The following SETD1B variants were observed in gnomAD, a reference collection of about 807,000 sequenced individuals.
SETD1B encodes histone-lysine N-methyltransferase SETD1B.
SETD1B carries 7 observed loss-of-function variants against 148.0 expected under a neutral mutation model. The observed-to-expected ratio is 0.05, with a 90% CI of 0.03 to 0.09. The LOEUF (loss-of-function observed/expected upper bound fraction) is 0.09. Among genes scored for constraint, SETD1B ranks in the 10% least tolerant of loss-of-function variants. The pLI is 1.00. For missense variants in SETD1B, 2,155 were observed against 2,729.9 expected, an observed-to-expected ratio of 0.79 and a Z score of 4.69; for synonymous variants, 1,361 against 1,186.5, an observed-to-expected ratio of 1.15 and a Z score of -3.02.
chr12:121,822,729 G>C lies in SETD1B; in HGVS notation c.4150G>C (p.Gly1384Arg), dbSNP rs200348800. 4.4e-3 allele frequency: 6,656 copies of C among 1,520,658 alleles called. 23 individuals are homozygous for C. The highest frequency in any genetic ancestry group is 5.2e-3 in the Non-Finnish European group (5,821 of 1,126,286). The allele number at this position is 1,520,658 out of a possible 1,614,324, so 94.2% of individuals were successfully genotyped here. The change falls in exon 12 of 17, where the codon GGC becomes CGC. Residue 1384 changes from glycine to arginine, a missense_variant. Transcript: ENST00000604567. ...QSTETVPATP[G>R]GEPPLSGGSS... ...CACAGAGACGGTGCCAGCCACACCA[G>C]GCGGGGAGCCCCCGCTATCAGGGGG...
Position 121,827,925 on chromosome 12 carries a change from G to T in SETD1B, c.5590-8G>T, listed in dbSNP as rs1348716104. The T allele has an allele frequency of 6.4e-7, 1 of 1,552,138 alleles. No homozygotes were observed. The highest frequency in any genetic ancestry group is 1.4e-5 in the African/African-American group (1 of 73,208). ...GGCCCAGCCAGACTGACCCCCTTTT[G>T]TGGCCAGGTGATCGCAGACATGCGG... On this transcript the variant is annotated splice_region_variant and splice_polypyrimidine_tract_variant and intron_variant, in intron 15 of 16. Transcript: ENST00000604567.
the SETD1B span, chr12:121,795,798 T>G: frequency 6.5e-6 from 1 of 152,766 alleles, no homozygotes; most frequent in East Asian, 1.9e-4. Flanking sequence ...CTCCTGACTG[T>G]CCTCAAAAGC....
At position 121,827,862 on chromosome 12, in the gene SETD1B, C is replaced by T; in HGVS notation, c.5589+8C>T. ...GGCCAGAATATCCGTCAGGTAGGCA[C>T]CGCCCGGCAGGATGGGCACCGGGGT... On this transcript the variant is annotated splice_region_variant and intron_variant, in intron 15 of 16. Coordinates refer to ENST00000604567, the MANE Select transcript of SETD1B (RefSeq NM_001353345.2). 1 of 1,555,672 alleles carries T rather than the reference C, an allele frequency of 6.4e-7. No individual in the cohort carries two copies. The highest frequency in any genetic ancestry group is 1.2e-5 in the South Asian group (1 of 84,358).
the SETD1B span, among the ~76,000 whole-genome samples, chr12:121,796,659 A>G: frequency 6.6e-6 from 1 of 152,354 alleles, no homozygotes; most frequent in East Asian, 1.9e-4. Context: ...TTGGCTGCCC[A>G]TGAGCACTCG....
At position 121,804,927 on chromosome 12, in the gene SETD1B, G is replaced by GC. The variant is rs549793280; in HGVS notation, c.174+23dup. 161 of 1,481,456 alleles carry GC rather than the reference G, an allele frequency of 1.1e-4. No individual in the cohort carries two copies. Among genetic ancestry groups the GC allele is most frequent in the African/African-American group, 7.4e-4 (52 of 70,698 alleles). 91.8% of individuals were successfully genotyped at this position (1,481,456 alleles called of 1,614,324 possible). On this transcript the variant is annotated intron_variant, in intron 2 of 16. Coordinates refer to ENST00000604567, the MANE Select transcript of SETD1B (RefSeq NM_001353345.2). This position sits in a 1 kb window ranked among gnomAD's most constrained non-coding sequence, Gnocchi z 4.6. ...CAGCCTGGCGGTGAGTAGCCGGCGC[G>GC]CCCCCCCAGCCGTGCCCCGCGTCGT...
At chr12:121,802,225 C>A (rs1047740004), upstream of SETD1B, 1 of 152,210 alleles carries the variant, frequency 6.6e-6, no homozygotes, top group African/African-American at 2.4e-5. Context: ...TCTCAAGCAT[C>A]TTAACTGGCT....
At chr12:121,797,701 C>A in the SETD1B span, 1 of 430,266 alleles carries the variant, frequency 2.3e-6, no homozygotes, top group African/African-American at 2.0e-5. Flanking sequence ...AGTAAAGACC[C>A]CACCCGGAGA....
At chr12:121,816,998 G>A (rs1876320520) in intron 7 of SETD1B, 35 bp from the exon 8 acceptor site, 2 of 1,466,896 alleles carry the variant, frequency 1.4e-6, no homozygotes, top group Non-Finnish European at 1.8e-6. Flanking sequence ...GGTGGTGCCA[G>A]AAGCGGTGAC....
chr12:121,813,219 G>T (rs1465176137), intron 6 of SETD1B, among the ~76,000 whole-genome samples: 1 of 152,230 alleles, frequency 6.6e-6, no homozygotes, highest in African/African-American at 2.4e-5. Context: ...TTATCTTTCG[G>T]ATAAAAAATG....
At chr12:121,797,070 C>G in the SETD1B span, 1 of 217,536 alleles carries the variant, frequency 4.6e-6, no homozygotes, top group Non-Finnish European at 9.4e-6. Context: ...CCTGCTCCTC[C>G]CAGCGCTCAG....
At chr12:121,825,502 A>C in intron 13 of SETD1B, 136 bp downstream of exon 13, 4 of 336,776 alleles carry the variant, frequency 1.2e-5, no homozygotes, top group Non-Finnish European at 2.3e-5. Context: ...TGCAAGTGGA[A>C]GGGGAGAGGC....
At chr12:121,803,950 AGAG>A (rs754398799), upstream of SETD1B, 147 of 157,612 alleles carry the variant, frequency 9.3e-4, 1 homozygote, top group Middle Eastern at 6.2e-3. The surrounding 1 kb of genome is among the most constrained non-coding windows in gnomAD (Gnocchi z 4.7). Context: ...GGGAGGAGGA[AGAG>A]GAGGAGGAGG....
chr12:121,791,939 C>G, the SETD1B span, among the ~76,000 whole-genome samples: 1 of 152,238 alleles, frequency 6.6e-6, no homozygotes, highest in African/African-American at 2.4e-5. Context: ...ATGACTTTTA[C>G]TACCCCCGGG....
chr12:121,814,213 G>T lies in SETD1B; in HGVS notation c.1998G>T (p.Ala666=). ...AGCCCATGGTGGTGACCCCAGGAGC[G>T]GCAGCCGTGGCAGCCCCTTCTGTGC... ...CPKPMVVTPG[A]AAVAAPSVLA... is the part of the protein sequence containing the mutation. The change falls in exon 7 of 17, where the codon GCG becomes GCT. Residue 666 remains alanine (A), a synonymous_variant. Transcript: ENST00000604567. 6.5e-7 allele frequency: 1 copy of T among 1,532,438 alleles called. No homozygotes were observed. Among genetic ancestry groups the T allele is most frequent in the Non-Finnish European group, 8.7e-7 (1 of 1,143,670 alleles). 94.9% of individuals were successfully genotyped at this position (1,532,438 alleles called of 1,614,324 possible).
At position 121,810,433 on chromosome 12, in the gene SETD1B, C is replaced by T. The variant is rs368583452; in HGVS notation, c.1488C>T (p.His496=). ...ESSPAGPEKP[H]DSLDSRIEML... is the part of the protein sequence containing the mutation. ...CCCCTGCAGGGCCAGAGAAACCCCA[C>T]GACAGCCTGGACTCGCGCATCGAGA... Residue 496 remains histidine (H), a synonymous_variant, in exon 6 of 17, where the codon CAC becomes CAT. Transcript: ENST00000604567. The surrounding 1 kb of genome is among the most constrained non-coding windows in gnomAD (Gnocchi z 7.6). The T allele has an allele frequency of 2.5e-4, 385 of 1,549,234 alleles. No homozygotes were observed. The East Asian group carries it at 2.8e-3, about 11-fold the overall frequency.
At chr12:121,812,834 A>T (rs1380900223) in intron 6 of SETD1B, among the ~76,000 whole-genome samples, 1 of 152,016 alleles carries the variant, frequency 6.6e-6, no homozygotes, top group Non-Finnish European at 1.5e-5. Context: ...CCGCTGCCTT[A>T]GTTTGGGTAG....
In SETD1B at chr12:121,827,570, C is replaced by T; in HGVS notation, c.5389C>T (p.Arg1797Trp). Residue 1797 changes from arginine to tryptophan, a missense_variant, in exon 14 of 17, where the codon CGG becomes TGG. Arg to Trp is a moderately radical substitution (Grantham distance 101, BLOSUM62 -3). Around this residue, in one of 11 missense-constraint regions of SETD1B, gnomAD observed 51 missense variants for 162.8 expected, o/e 0.31. Transcript: ENST00000604567. Reference protein sequence around the residue: ...PHASTRAGSERRSEQRRLLSS... With the variant: ...PHASTRAGSEWRSEQRRLLSS... The stretch of plus-strand genomic sequence containing the variant: ...CGCCTCCACCCGGGCAGGCTCGGAG[C>T]GGCGTTCGGAGCAGCGCCGCCTGCT... The T allele has an allele frequency of 5.8e-6, 9 of 1,549,620 alleles. No homozygotes were observed. The highest frequency in any genetic ancestry group is 7.8e-6 in the Non-Finnish European group (9 of 1,146,784).
At chr12:121,827,267 C>T (rs764025874) in intron 13 of SETD1B, among the ~76,000 whole-genome samples, 22 of 152,040 alleles carry the variant, frequency 1.4e-4, no homozygotes, top group African/African-American at 2.9e-4. Flanking sequence ...ACAAAACTTT[C>T]GGCTGAAATG....
the SETD1B span, chr12:121,797,671 A>C: frequency 4.4e-6 from 2 of 452,802 alleles, no homozygotes; most frequent in Non-Finnish European, 8.9e-6. Flanking sequence ...CAATTACTTA[A>C]TTATCCAAAG....
Sources: gnomAD v4.1 joint callset for allele counts (sites outside exome capture counted in the v4.1 genomes callset) on GRCh38, gnomAD v4.1.1 for gene constraint, gnomAD v4.1.1 regional missense constraint, Gnocchi (gnomAD v3.1) non-coding constraint, MANE v1.5 for transcripts, NCBI Gene and HGNC (gene_info 2026-07-23, HGNC 2026-07-21) for gene names.